LHFPL3: variants seen among roughly 807,000 people sequenced by gnomAD.
LHFPL3 encodes the protein LHFPL tetraspan subfamily member 3.
A neutral mutation model predicts 19.3 loss-of-function variants in LHFPL3; 5 were observed. That is an observed-to-expected ratio of 0.26 (90% CI 0.14 to 0.54). The LOEUF (loss-of-function observed/expected upper bound fraction) is 0.54, where lower values mean the gene tolerates loss of function less well. Ranked by LOEUF, LHFPL3 falls within the 20% of genes least tolerant of loss-of-function variation. The pLI is 0.94. For synonymous variants in LHFPL3, 133 were observed against 126.2 expected (o/e 1.05, Z -0.36); for missense variants, 249 against 307.4 (o/e 0.81, Z 1.42).
chr7:104,413,804 A>G (rs550280503), intron 1 of LHFPL3, among the ~76,000 whole-genome samples: 2 of 151,994 alleles, frequency 1.3e-5, no homozygotes, highest in Non-Finnish European at 2.9e-5. Flanking sequence ...AAGGCCATTT[A>G]AAAAAAATAA....
chr7:104,415,821 C>T (rs993648983), intron 1 of LHFPL3, among the ~76,000 whole-genome samples: 5 of 152,102 alleles, frequency 3.3e-5, no homozygotes, highest in South Asian at 2.1e-4. Context: ...CTAGAATGTT[C>T]GGAAGGGCTA....
At chr7:104,854,725 GA>G (rs932966767) in intron 2 of LHFPL3, among the ~76,000 whole-genome samples, 4 of 151,940 alleles carry the variant, frequency 2.6e-5, no homozygotes, top group African/African-American at 7.2e-5. Flanking sequence ...GCTTCAGTAT[GA>G]AAAAAAGGGA....
At chr7:104,848,234 G>A (rs1009166001) in intron 2 of LHFPL3, among the ~76,000 whole-genome samples, 56 of 152,270 alleles carry the variant, frequency 3.7e-4, no homozygotes, top group African/African-American at 1.3e-3. Context: ...ATTGAAAGAT[G>A]ACAATCCACC....
chr7:104,785,582 G>C (rs1482518827), intron 2 of LHFPL3: 1 of 152,170 alleles, frequency 6.6e-6, no homozygotes, highest in African/African-American at 2.4e-5. Context: ...TTCTCCTCTT[G>C]ATCTTGGTTA....
chr7:104,795,064 C>T (rs1434625943), intron 2 of LHFPL3, among the ~76,000 whole-genome samples: 1 of 152,128 alleles, frequency 6.6e-6, no homozygotes, highest in Admixed American at 6.5e-5. Context: ...TCTAAAGTCC[C>T]CTAGAAACAA....
chr7:104,661,476 A>G (rs1472084515), intron 1 of LHFPL3, among the ~76,000 whole-genome samples: 3 of 152,234 alleles, frequency 2.0e-5, no homozygotes, highest in Non-Finnish European at 4.4e-5. Flanking sequence ...TAAATCAGGA[A>G]GTGAATGAAG....
At chr7:104,430,405 C>CATATGTATATATATATATATATGTAT (rs1791954035) in intron 1 of LHFPL3, among the ~76,000 whole-genome samples, 1 of 22,456 alleles carries the variant, frequency 4.5e-5, no homozygotes, top group Non-Finnish European at 7.6e-5. Flanking sequence ...TATATATATA[C>CATATGTATATATATATATATATGTAT]ATATATATAT....
intron 2 of LHFPL3, among the ~76,000 whole-genome samples, chr7:104,881,143 C>A (rs1188170728): frequency 1.4e-5 from 2 of 145,734 alleles, no homozygotes; most frequent in African/African-American, 2.6e-5. Context: ...GCACTCCAGC[C>A]TGGGCAACAG....
chr7:104,563,465 C>G (rs1026375672), intron 1 of LHFPL3, among the ~76,000 whole-genome samples: 1 of 152,422 alleles, frequency 6.6e-6, no homozygotes, highest in Non-Finnish European at 1.5e-5. Context: ...TCCGTCACCC[C>G]TTTCTTTGAC....
At chr7:104,474,430 C>T (rs777696325) in intron 1 of LHFPL3, among the ~76,000 whole-genome samples, 4 of 151,676 alleles carry the variant, frequency 2.6e-5, no homozygotes, top group South Asian at 4.2e-4. Context: ...TTTGGGAGGT[C>T]GAGGCAGGCG....
chr7:104,480,604 C>A (rs1168674871), intron 1 of LHFPL3, among the ~76,000 whole-genome samples: 1 of 152,172 alleles, frequency 6.6e-6, no homozygotes, highest in Non-Finnish European at 1.5e-5. Flanking sequence ...CCTCTTTGTA[C>A]AGCTCTCTGT....
chr7:104,807,011 A>ATGTGTGCGTG (rs1790372980), intron 2 of LHFPL3, among the ~76,000 whole-genome samples: 1 of 139,672 alleles, frequency 7.2e-6, no homozygotes, highest in South Asian at 2.5e-4. Context: ...CAAAATATAT[A>ATGTGTGCGTG]TGTGTGTGTG....
rs1444972525 is a variant in LHFPL3, at chr7:104,480,091, A to G, written c.445+150867A>G. 2.6e-5 allele frequency among the ~76,000 whole-genome samples: 4 copies of G among 152,328 alleles called. No homozygotes were observed. In the East Asian group the frequency reaches 7.7e-4, roughly 29 times the overall value. On this transcript the variant is annotated intron_variant, in intron 1 of 2. Transcript: ENST00000424859. Reference sequence around the variant, plus strand: ...TCATTTCATCATGGATACACGTATGAGAAGAAGAAAGCCTTGCATAGTAGG... The same window carrying G: ...TCATTTCATCATGGATACACGTATGGGAAGAAGAAAGCCTTGCATAGTAGG...
At chr7:104,522,328 A>G (rs1037021769) in intron 1 of LHFPL3, among the ~76,000 whole-genome samples, 7 of 142,910 alleles carry the variant, frequency 4.9e-5, no homozygotes, top group African/African-American at 1.8e-4. Flanking sequence ...ATAGGTGGGA[A>G]TTGAACAATG....
At chr7:104,582,165 A>G (rs929584588) in intron 1 of LHFPL3, among the ~76,000 whole-genome samples, 1 of 151,866 alleles carries the variant, frequency 6.6e-6, no homozygotes, top group Non-Finnish European at 1.5e-5. Flanking sequence ...AGAGATTTGT[A>G]CATCTTTTTA....
intron 1 of LHFPL3, among the ~76,000 whole-genome samples, chr7:104,380,441 T>C (rs1790804805): frequency 6.6e-6 from 1 of 152,018 alleles, no homozygotes; most frequent in African/African-American, 2.4e-5. Flanking sequence ...TAGGTATGAA[T>C]AGAAAACAAA....
At chr7:104,377,312 A>G (rs563614333) in intron 1 of LHFPL3, among the ~76,000 whole-genome samples, 1 of 152,306 alleles carries the variant, frequency 6.6e-6, no homozygotes, top group African/African-American at 2.4e-5. Context: ...CTCTTGCAAA[A>G]CAAACTTAAC....
At chr7:104,414,873 A>C (rs1791592982) in intron 1 of LHFPL3, among the ~76,000 whole-genome samples, 1 of 152,214 alleles carries the variant, frequency 6.6e-6, no homozygotes, top group South Asian at 2.1e-4. Flanking sequence ...TCACCATTCC[A>C]AATGAGTGTG....
intron 2 of LHFPL3, among the ~76,000 whole-genome samples, chr7:104,867,029 A>G (rs1230836221): frequency 1.3e-5 from 2 of 152,136 alleles, no homozygotes; most frequent in South Asian, 2.1e-4. Context: ...TGAAACCAAC[A>G]AGAACAAAGA....
Sources: gnomAD v4.1 joint callset for allele counts (sites outside exome capture counted in the v4.1 genomes callset) on GRCh38, gnomAD v4.1.1 for gene constraint, MANE v1.5 for transcripts, NCBI Gene and HGNC (gene_info 2026-07-23, HGNC 2026-07-21) for gene names.